The following NAA35 variants were observed in gnomAD, a reference collection of about 807,000 sequenced individuals.
The protein encoded by NAA35 is MAK10 homolog, amino-acid N-acetyltransferase subunit.
In NAA35, 18 loss-of-function variants were observed where a neutral mutation model predicts 101.7. The ratio of observed to expected loss-of-function variants is 0.18; its 90% CI spans 0.12 to 0.26. NAA35 has a LOEUF of 0.26. NAA35 is among the 10% of genes least tolerant of loss of function. The pLI is 1.00. For missense variants in NAA35, 601 were observed against 886.8 expected (o/e 0.68, Z 4.09); for synonymous variants, 267 against 273.1 (o/e 0.98, Z 0.22).
chr9:85,996,401 C>T lies in NAA35; in HGVS notation c.880C>T (p.His294Tyr). ...QAQNDTTKGD[H>Y]PIMMGFEPLV... ...TACTTTCATTTTTTTCTTTTTAGAT[C>T]ATCCAATTATGATGGGTTTTGAACC... Residue 294 changes from histidine (H) to tyrosine (Y), a missense_variant and splice_region_variant, in exon 12 of 23, where the codon CAT becomes TAT. Coordinates refer to ENST00000361671, the MANE Select transcript of NAA35 (RefSeq NM_024635.4). The T allele has an allele frequency of 5.1e-6, 8 of 1,557,144 alleles. No individual in the cohort carries two copies. Among genetic ancestry groups the T allele is most frequent in the Admixed American group, 2.3e-5 (1 of 44,110 alleles).
At chr9:86,010,002 T>TCACGCTTGTAATCCCAG in intron 15 of NAA35, 71 bp downstream of exon 15, 1 of 1,267,044 alleles carries the variant, frequency 7.9e-7, no homozygotes, top group South Asian at 1.2e-5. Context: ...GCACGGTGGC[T>TCACGCTTGTAATCCCAG]CACTTTGGGA....
chr9:85,976,808 G>A (rs752939471), intron 9 of NAA35, 73 bp downstream of exon 9: 17 of 1,149,382 alleles, frequency 1.5e-5, no homozygotes, highest in South Asian at 1.3e-4. Context: ...TATGAACTGC[G>A]TTATAATTTA....
intron 11 of NAA35, among the ~76,000 whole-genome samples, chr9:85,993,317 C>T (rs1222350061): frequency 2.6e-5 from 4 of 152,184 alleles, no homozygotes; most frequent in South Asian, 4.1e-4. Context: ...GGATTACAGG[C>T]GTACACCACC....
chr9:85,956,612 T>C (rs1415402268), intron 3 of NAA35, among the ~76,000 whole-genome samples: 1 of 152,204 alleles, frequency 6.6e-6, no homozygotes, highest in Admixed American at 6.5e-5. Flanking sequence ...CTGTAACTTA[T>C]GGTCCTTTCC....
At chr9:85,961,964 G>T in intron 5 of NAA35, 49 bp from the exon 6 acceptor site, 4 of 1,462,516 alleles carry the variant, frequency 2.7e-6, no homozygotes, top group Non-Finnish European at 3.7e-6. Flanking sequence ...TTTAGACTTT[G>T]CAGACTCAGT....
chr9:85,980,947 C>A (rs752290413), intron 11 of NAA35, among the ~76,000 whole-genome samples: 1 of 152,088 alleles, frequency 6.6e-6, no homozygotes, highest in Non-Finnish European at 1.5e-5. Flanking sequence ...TTTTACTGAT[C>A]GACACCTCAT....
chr9:85,965,516 TA>T (rs1275577817), intron 6 of NAA35, among the ~76,000 whole-genome samples: 1 of 152,072 alleles, frequency 6.6e-6, no homozygotes, highest in Non-Finnish European at 1.5e-5. Context: ...TAGTCTCAGC[TA>T]CTAGAGAGGC....
rs1489780950 is a variant in NAA35 at position 86,013,736 on chromosome 9, A to G, written c.1407A>G (p.Ala469=). ...TTTAATAGGCAGAGAAGGTTGATGC[A>G]GCGCTTCACACCATGCTGTTGAAAC... ...TLQDEAEKVD[A]ALHTMLLKQE... The change falls in exon 17 of 23, where the codon GCA becomes GCG. Residue 469 remains alanine (A), a synonymous_variant. Transcript: ENST00000361671. 6.8e-6 allele frequency: 11 copies of G among 1,613,708 alleles called. No homozygotes were observed. Among genetic ancestry groups the G allele is most frequent in the Non-Finnish European group, 9.3e-6 (11 of 1,179,762 alleles).
chr9:85,988,056 T>A (rs1278712762), intron 11 of NAA35, among the ~76,000 whole-genome samples: 1 of 152,224 alleles, frequency 6.6e-6, no homozygotes, highest in African/African-American at 2.4e-5. Context: ...AGTAGTCTAG[T>A]TAACTGGTAA....
chr9:85,941,617 C>T (rs1425166976), intron 1 of NAA35: 53 of 986,210 alleles, frequency 5.4e-5, no homozygotes, highest in Non-Finnish European at 6.1e-5. Context: ...TGTGCCTCGG[C>T]CCTAGGCCCG....
At chr9:86,005,873 TTA>T (rs1491497023) in intron 13 of NAA35, among the ~76,000 whole-genome samples, 2 of 151,542 alleles carry the variant, frequency 1.3e-5, no homozygotes, top group African/African-American at 4.9e-5. Context: ...CAGAATATCT[TTA>T]AAAAAAAAAA....
intron 2 of NAA35, among the ~76,000 whole-genome samples, chr9:85,955,360 A>ATTTTTTTTT (rs61549690): frequency 5.6e-5 from 3 of 53,928 alleles, no homozygotes; most frequent in African/African-American, 1.5e-4. Context: ...ATATATATAT[A>ATTTTTTTTT]TTTTTTTTTT....
intron 11 of NAA35, 51 bp from the exon 12 acceptor site, chr9:85,996,348 T>G (rs760145136): frequency 1.5e-6 from 2 of 1,305,390 alleles, no homozygotes; most frequent in South Asian, 1.4e-5. Flanking sequence ...ATTTGCAGTT[T>G]AAAATTCAGA....
chr9:85,942,406 C>T, intron 2 of NAA35, 123 bp downstream of exon 2: 4 of 1,295,062 alleles, frequency 3.1e-6, no homozygotes, highest in Non-Finnish European at 4.3e-6. Flanking sequence ...GTTTGTTAGC[C>T]ACACTTATTC....
At chr9:85,989,504 GACAAA>G (rs1393996674) in intron 11 of NAA35, among the ~76,000 whole-genome samples, 3 of 151,680 alleles carry the variant, frequency 2.0e-5, no homozygotes, top group Admixed American at 6.6e-5. Context: ...AAAAAACAAA[GACAAA>G]ACAAAAAAAC....
At position 85,977,428 on chromosome 9, in the gene NAA35, A is replaced by C. The variant is rs1439835934; in HGVS notation, c.744A>C (p.Ile248=). Reference sequence around the variant, plus strand: ...CTCGTGTGTTACTGACAGTGCTTATAGCCTTTACTAAGAAAGAGGTAAGGG... The same window carrying C: ...CTCGTGTGTTACTGACAGTGCTTATCGCCTTTACTAAGAAAGAGGTAAGGG... ...KFTRVLLTVL[I]AFTKKETSAV... The change falls in exon 10 of 23, where the codon ATA becomes ATC. Residue 248 remains isoleucine, a synonymous_variant. Coordinates refer to ENST00000361671, the MANE Select transcript of NAA35 (RefSeq NM_024635.4). 2.5e-6 allele frequency: 4 copies of C among 1,608,910 alleles called. No homozygotes were observed. Among genetic ancestry groups the C allele is most frequent in the Non-Finnish European group, 3.4e-6 (4 of 1,175,768 alleles).
chr9:85,975,926 T>A (rs1490801906), intron 8 of NAA35, among the ~76,000 whole-genome samples: 2 of 152,182 alleles, frequency 1.3e-5, no homozygotes, highest in Non-Finnish European at 2.9e-5. Flanking sequence ...GATGATTTGC[T>A]GCTTTTCATA....
At chr9:86,010,231 G>C (rs965267712) in intron 15 of NAA35, among the ~76,000 whole-genome samples, 4 of 151,996 alleles carry the variant, frequency 2.6e-5, no homozygotes, top group Non-Finnish European at 4.4e-5. Flanking sequence ...GACAGAGTGA[G>C]ACTTTGTCTC....
intron 20 of NAA35, 124 bp downstream of exon 20, chr9:86,018,519 A>T: frequency 7.6e-7 from 1 of 1,322,390 alleles, no homozygotes; most frequent in South Asian, 1.5e-5. Context: ...AATATGAGGT[A>T]GCATATGAGG....
Sources: allele counts gnomAD v4.1 joint callset (sites outside exome capture counted in the v4.1 genomes callset), GRCh38; gene constraint gnomAD v4.1.1; transcripts MANE v1.5; gene names NCBI Gene and HGNC (gene_info 2026-07-23, HGNC 2026-07-21).